The following EEFSEC variants were observed in gnomAD, a reference collection of about 807,000 sequenced individuals.
The protein encoded by EEFSEC is selenocysteine-specific elongation factor.
In EEFSEC, 43 loss-of-function variants were observed where a neutral mutation model predicts 42.1. That is an observed-to-expected ratio of 1.02 (90% CI 0.80 to 1.32). EEFSEC has a LOEUF of 1.32. Among genes scored for constraint, EEFSEC ranks in the 40% most tolerant of loss-of-function variants. EEFSEC has a pLI of 0.00. For missense variants in EEFSEC, 745 were observed against 803.6 expected, an observed-to-expected ratio of 0.93 and a Z score of 0.88; for synonymous variants, 354 against 339.1, an observed-to-expected ratio of 1.04 and a Z score of -0.48.
chr3:128,413,119 G>A (rs1417144459), downstream of EEFSEC, among the ~76,000 whole-genome samples: 1 of 152,214 alleles, frequency 6.6e-6, no homozygotes, highest in African/African-American at 2.4e-5. Flanking sequence ...ATGGGTTGGA[G>A]AGGACCTGGG....
rs2067256939 is a variant in EEFSEC at position 128,341,745 on chromosome 3, A to G, written c.1299A>G (p.Leu433=). The G allele has an allele frequency of 8.7e-6, 14 of 1,614,088 alleles. No homozygotes were observed. In the East Asian group the frequency reaches 2.7e-4, roughly 31 times the overall value. The part of the protein sequence containing the change: ...PRLCLVIGSR[L]DADIHTNTCR... ...TGTGCCTGGTGATTGGCTCCAGGCT[A>G]GATGCGGACATTCACACCAACACGT... The change falls in exon 5 of 7, where the codon CTA becomes CTG. Residue 433 remains leucine (L), a synonymous_variant. Transcript: ENST00000254730.
Position 128,344,448 on chromosome 3 carries a change from A to G in EEFSEC, c.1443+2559A>G, listed in dbSNP as rs146158078. Among the ~76,000 whole-genome samples the G allele has an allele frequency of 5.2e-3, 794 of 152,344 alleles. 3 individuals carry two copies. Among genetic ancestry groups the G allele is most frequent in the Non-Finnish European group, 9.0e-3 (609 of 68,030 alleles). ...AAACAAGACAATAATTATTCAGTGTAAGGAAGTTTTCTTCCTACGAACCCA... is the reference window on the plus strand; with the variant it reads ...AAACAAGACAATAATTATTCAGTGTGAGGAAGTTTTCTTCCTACGAACCCA... On this transcript the variant is annotated intron_variant, in intron 5 of 6. Transcript: ENST00000254730.
chr3:128,191,257 A>G (rs971576380), intron 1 of EEFSEC, among the ~76,000 whole-genome samples: 4 of 151,988 alleles, frequency 2.6e-5, no homozygotes, highest in Non-Finnish European at 5.9e-5. Context: ...TTGGGGGGCT[A>G]TTTTTTATTT....
intron 4 of EEFSEC, among the ~76,000 whole-genome samples, chr3:128,327,735 G>C (rs558857869): frequency 6.6e-6 from 1 of 152,292 alleles, no homozygotes; most frequent in Non-Finnish European, 1.5e-5. Context: ...GAAGGCCAGG[G>C]GTGAGCACCA....
At chr3:128,384,312 G>A (rs2067812269) in intron 6 of EEFSEC, among the ~76,000 whole-genome samples, 1 of 152,354 alleles carries the variant, frequency 6.6e-6, no homozygotes, top group Middle Eastern at 3.4e-3. Flanking sequence ...GAAGAGGTCG[G>A]GGTTTCCCCT....
chr3:128,250,523 A>G (rs554280793), intron 2 of EEFSEC, among the ~76,000 whole-genome samples: 3 of 152,138 alleles, frequency 2.0e-5, no homozygotes, highest in South Asian at 4.1e-4. Context: ...TTCCCCTTTT[A>G]ACTTTGTAAA....
chr3:128,400,790 T>C (rs1376786824), intron 6 of EEFSEC, among the ~76,000 whole-genome samples: 2 of 152,238 alleles, frequency 1.3e-5, no homozygotes, highest in Non-Finnish European at 2.9e-5. Flanking sequence ...TGGCTAGGGC[T>C]TGGGAAACAG....
chr3:128,419,464 G>A, the EEFSEC span, among the ~76,000 whole-genome samples: 3 of 152,232 alleles, frequency 2.0e-5, no homozygotes, highest in African/African-American at 7.2e-5. Context: ...GTGATACTGT[G>A]TGTTCTGTGA....
At chr3:128,409,824 G>T (rs545836711), downstream of EEFSEC, among the ~76,000 whole-genome samples, 1 of 152,176 alleles carries the variant, frequency 6.6e-6, no homozygotes, top group African/African-American at 2.4e-5. Context: ...GCTGTGCCCC[G>T]ACCCCACTGT....
intron 6 of EEFSEC, among the ~76,000 whole-genome samples, chr3:128,380,166 G>T (rs1388963544): frequency 6.6e-6 from 1 of 152,150 alleles, no homozygotes; most frequent in Non-Finnish European, 1.5e-5. Context: ...GCCTGAGGTG[G>T]GCACCCCGAT....
At chr3:128,213,483 G>A (rs1204542660) in intron 1 of EEFSEC, among the ~76,000 whole-genome samples, 1 of 152,150 alleles carries the variant, frequency 6.6e-6, no homozygotes, top group Non-Finnish European at 1.5e-5. Context: ...TTCAAGACAT[G>A]GTAGAGGTCA....
At chr3:128,351,849 T>G (rs969860250) in intron 5 of EEFSEC, among the ~76,000 whole-genome samples, 11 of 152,232 alleles carry the variant, frequency 7.2e-5, no homozygotes, top group Non-Finnish European at 1.2e-4. Context: ...AAATTATTCA[T>G]GCAAACAGTG....
At chr3:128,387,173 G>A (rs2067850517) in intron 6 of EEFSEC, among the ~76,000 whole-genome samples, 1 of 152,204 alleles carries the variant, frequency 6.6e-6, no homozygotes, top group Non-Finnish European at 1.5e-5. Context: ...CGCAGGGGCT[G>A]CAGGGGTCAC....
At chr3:128,316,862 A>C (rs2066952019) in intron 4 of EEFSEC, among the ~76,000 whole-genome samples, 2 of 152,206 alleles carry the variant, frequency 1.3e-5, no homozygotes, top group Non-Finnish European at 2.9e-5. Context: ...TCTTCTTAAG[A>C]AAAAGTTAAA....
At position 128,282,887 on chromosome 3, in the gene EEFSEC, C is replaced by T. The variant is rs980351511; in HGVS notation, c.786+18106C>T. Among the ~76,000 whole-genome samples the T allele has an allele frequency of 4.6e-5, 7 of 152,218 alleles. No individual in the cohort carries two copies. The East Asian group carries it at 9.6e-4, about 21-fold the overall frequency. On this transcript the variant is annotated intron_variant, in intron 4 of 6. Transcript: ENST00000254730. ...AGGCTTTGTGCCAGGCTGTGGCTGA[C>T]GGCCTTCGGGAAGCAAGCAGGGCTG...
chr3:128,309,941 C>T (rs1467146100), intron 4 of EEFSEC, among the ~76,000 whole-genome samples: 26 of 152,226 alleles, frequency 1.7e-4, no homozygotes, highest in Admixed American at 1.7e-3. Context: ...CTTTTCCTAG[C>T]ATTAACATCC....
chr3:128,171,400 G>A (rs761594727), intron 1 of EEFSEC, among the ~76,000 whole-genome samples: 22 of 151,932 alleles, frequency 1.4e-4, no homozygotes, highest in Non-Finnish European at 4.4e-5. Context: ...ACCTACAATG[G>A]CAGAGGTTAA....
chr3:128,332,922 A>C (rs1015442200), intron 4 of EEFSEC, among the ~76,000 whole-genome samples: 3 of 152,260 alleles, frequency 2.0e-5, no homozygotes, highest in Non-Finnish European at 4.4e-5. Flanking sequence ...CTTATTAAAC[A>C]AAATTGGTTA....
chr3:128,377,885 GTTAT>G (rs2067728021), intron 6 of EEFSEC, among the ~76,000 whole-genome samples: 1 of 152,162 alleles, frequency 6.6e-6, no homozygotes, highest in Non-Finnish European at 1.5e-5. Context: ...GCTCCCCTGT[GTTAT>G]TTATCTTTGC....
Sources: gnomAD v4.1 joint callset for allele counts (sites outside exome capture counted in the v4.1 genomes callset) on GRCh38, gnomAD v4.1.1 for gene constraint, MANE v1.5 for transcripts, NCBI Gene and HGNC (gene_info 2026-07-23, HGNC 2026-07-21) for gene names.